ROBO1: variants seen among roughly 807,000 people sequenced by gnomAD.
The protein encoded by ROBO1 is roundabout homolog 1.
ROBO1 carries 149 observed loss-of-function variants against 195.9 expected under a neutral mutation model. The ratio of observed to expected loss-of-function variants is 0.76; its 90% CI spans 0.67 to 0.87. The LOEUF (loss-of-function observed/expected upper bound fraction) is 0.87, where lower values mean the gene tolerates loss of function less well. Ranked by LOEUF, ROBO1 falls within the 40% of genes least tolerant of loss-of-function variation. The pLI is 0.00. For missense variants in ROBO1, 1,933 were observed against 2,068.3 expected (o/e 0.93, Z 1.27); for synonymous variants, 816 against 733.2 (o/e 1.11, Z -1.82).
chr3:79,117,903 G>A (rs2080037528), intron 3 of ROBO1, among the ~76,000 whole-genome samples: 1 of 152,160 alleles, frequency 6.6e-6, no homozygotes, highest in Non-Finnish European at 1.5e-5. Context: ...ATTAGGAAGG[G>A]TTAGCCAATT....
At chr3:79,107,345 G>A (rs1305048730) in intron 3 of ROBO1, among the ~76,000 whole-genome samples, 1 of 151,720 alleles carries the variant, frequency 6.6e-6, no homozygotes, top group Non-Finnish European at 1.5e-5. Context: ...ATCACACAAG[G>A]ATTATCTGAT....
At chr3:78,703,015 G>A (rs113843040) in intron 8 of ROBO1, among the ~76,000 whole-genome samples, 2,456 of 152,180 alleles carry the variant, frequency 0.016, 57 homozygotes, top group African/African-American at 0.056. Context: ...CCTTTCTTTT[G>A]ATTAATTTTT....
At chr3:79,577,380 A>G in intron 2 of ROBO1, among the ~76,000 whole-genome samples, 1 of 152,262 alleles carries the variant, frequency 6.6e-6, no homozygotes, top group South Asian at 2.1e-4. Context: ...AATCTAAGTG[A>G]CCTTGTGTTT....
chr3:79,144,800 T>C (rs2080609714), intron 2 of ROBO1, among the ~76,000 whole-genome samples: 1 of 151,978 alleles, frequency 6.6e-6, no homozygotes, highest in South Asian at 2.1e-4. Context: ...ATAATAATCA[T>C]TTAAGTATGC....
intron 10 of ROBO1, among the ~76,000 whole-genome samples, chr3:78,675,155 A>G (rs915409665): frequency 1.3e-5 from 2 of 148,972 alleles, no homozygotes; most frequent in Admixed American, 1.3e-4. Flanking sequence ...TGTTTCATCC[A>G]CTCATTAAAA....
At chr3:78,743,333 C>G (rs1008107286) in intron 5 of ROBO1, among the ~76,000 whole-genome samples, 7 of 152,050 alleles carry the variant, frequency 4.6e-5, no homozygotes, top group East Asian at 1.9e-4. Context: ...TAATCCTCAT[C>G]ATTACTCCAT....
intron 4 of ROBO1, among the ~76,000 whole-genome samples, chr3:78,775,352 G>A (rs1458291599): frequency 6.6e-6 from 1 of 152,090 alleles, no homozygotes; most frequent in African/African-American, 2.4e-5. Context: ...ATAGGAAAAT[G>A]TGCTTTTCTA....
intron 1 of ROBO1, among the ~76,000 whole-genome samples, chr3:79,742,114 C>A (rs1008328751): frequency 3.9e-5 from 6 of 152,136 alleles, no homozygotes; most frequent in Admixed American, 3.9e-4. Flanking sequence ...GTAGCCTGGC[C>A]ATGTGGTAGA....
At chr3:78,866,716 G>A (rs2035205600) in intron 4 of ROBO1, among the ~76,000 whole-genome samples, 1 of 152,148 alleles carries the variant, frequency 6.6e-6, no homozygotes, top group Non-Finnish European at 1.5e-5. Flanking sequence ...GGGGAATACA[G>A]ACACACCTTA....
intron 1 of ROBO1, among the ~76,000 whole-genome samples, chr3:79,728,289 T>C (rs913332920): frequency 1.3e-5 from 2 of 152,074 alleles, no homozygotes; most frequent in Non-Finnish European, 2.9e-5. Flanking sequence ...TTGGTAGATA[T>C]GGAGAGCTGA....
chr3:79,647,568 G>A (rs1018958746), intron 1 of ROBO1, among the ~76,000 whole-genome samples: 3 of 151,742 alleles, frequency 2.0e-5, no homozygotes, highest in Non-Finnish European at 4.4e-5. Flanking sequence ...GTTGACACAT[G>A]TACTATCGGC....
intron 2 of ROBO1, among the ~76,000 whole-genome samples, chr3:79,209,107 T>C (rs2081925213): frequency 6.6e-6 from 1 of 152,170 alleles, no homozygotes; most frequent in South Asian, 2.1e-4. Context: ...GGTGCACCTG[T>C]CACCCAAACA....
At chr3:79,717,743 T>C (rs569832083) in intron 1 of ROBO1, among the ~76,000 whole-genome samples, 93 of 152,114 alleles carry the variant, frequency 6.1e-4, no homozygotes, top group African/African-American at 2.2e-3. Context: ...AAACTTACAG[T>C]GCTATTCTGA....
chr3:79,411,605 T>A (rs542145835), intron 2 of ROBO1, among the ~76,000 whole-genome samples: 2 of 152,290 alleles, frequency 1.3e-5, no homozygotes, highest in East Asian at 3.9e-4. Context: ...GAACTTCATG[T>A]TAAATTACAC....
In ROBO1 at chr3:79,629,912, C is replaced by T. The variant is rs534004050; in HGVS notation, c.-50-39951G>A. On this transcript the variant is annotated intron_variant, in intron 1 of 30. Coordinates refer to ENST00000464233, the MANE Select transcript of ROBO1 (RefSeq NM_002941.4). ...TCTACTAGAAATAAAGTTTTTAAAA[C>T]ATGCAACCTCTCAATATTGAACCAA... 2.0e-5 allele frequency among the ~76,000 whole-genome samples: 3 copies of T among 151,948 alleles called. No individual in the cohort carries two copies. In the East Asian group the frequency reaches 5.8e-4, roughly 29 times the overall value.
At chr3:79,424,299 C>A (rs1271472283) in intron 2 of ROBO1, among the ~76,000 whole-genome samples, 1 of 152,108 alleles carries the variant, frequency 6.6e-6, no homozygotes, top group African/African-American at 2.4e-5. Context: ...AAGTTATTCA[C>A]TAGCTCTACA....
chr3:78,820,161 T>TA (rs1403266469), intron 4 of ROBO1, among the ~76,000 whole-genome samples: 3 of 152,208 alleles, frequency 2.0e-5, no homozygotes, highest in Non-Finnish European at 4.4e-5. Flanking sequence ...TGTTTGATTA[T>TA]ACGCAAATTT....
intron 2 of ROBO1, among the ~76,000 whole-genome samples, chr3:79,450,184 G>T (rs2039395507): frequency 1.3e-5 from 2 of 151,198 alleles, no homozygotes; most frequent in Admixed American, 6.6e-5. Context: ...ACCAACCTAA[G>T]CTAATAAATC....
At chr3:78,608,737 T>C (rs543874764) in intron 28 of ROBO1, among the ~76,000 whole-genome samples, 52 of 152,064 alleles carry the variant, frequency 3.4e-4, no homozygotes, top group African/African-American at 1.3e-3. Context: ...AAGATGTGTT[T>C]GAGATTAAGG....
Sources: allele counts gnomAD v4.1 joint callset (sites outside exome capture counted in the v4.1 genomes callset), GRCh38; gene constraint gnomAD v4.1.1; transcripts MANE v1.5; gene names NCBI Gene and HGNC (gene_info 2026-07-23, HGNC 2026-07-21).